Variants in FSTL5 observed in about 807,000 individuals in gnomAD.
FSTL5 encodes the protein follistatin-related protein 5.
Under a neutral mutation model 89.1 loss-of-function variants are expected in FSTL5, and 62 were observed. That is an observed-to-expected ratio of 0.70 (90% CI 0.57 to 0.86). FSTL5 has a LOEUF of 0.86. Among genes scored for constraint, FSTL5 ranks in the 40% least tolerant of loss-of-function variants. The pLI is 0.00. For synonymous variants in FSTL5, 383 were observed against 346.2 expected (o/e 1.11, Z -1.18); for missense variants, 1,057 against 1,001.6 (o/e 1.06, Z -0.75).
At chr4:161,864,786 C>A (rs1216890237) in intron 4 of FSTL5, among the ~76,000 whole-genome samples, 1 of 147,878 alleles carries the variant, frequency 6.8e-6, no homozygotes, top group Non-Finnish European at 1.5e-5. Flanking sequence ...GCAGGAGAAT[C>A]ACTTGAACCC....
rs150711413 is a variant in FSTL5, at chr4:161,855,965, A to G, written c.409+64439T>C. On this transcript the variant is annotated intron_variant, in intron 4 of 15. Coordinates refer to ENST00000306100, the MANE Select transcript of FSTL5 (RefSeq NM_020116.5). ...AATAAGGAAAAGGAATAAAACCAAG[A>G]TATTTAAAACTTTGCCCTTTAGTTG... Among the ~76,000 whole-genome samples, 1,417 of 152,232 alleles carry G rather than the reference A, an allele frequency of 9.3e-3. 12 individuals are homozygous for G. Among genetic ancestry groups the G allele is most frequent in the Non-Finnish European group, 0.013 (913 of 67,954 alleles).
intron 3 of FSTL5, among the ~76,000 whole-genome samples, chr4:161,989,912 C>T (rs918123413): frequency 2.6e-5 from 4 of 152,116 alleles, no homozygotes; most frequent in Middle Eastern, 3.2e-3. Flanking sequence ...TAGCTGTTTA[C>T]ACCTCTCTTG....
At chr4:162,093,483 G>C (rs1287591796) in intron 2 of FSTL5, among the ~76,000 whole-genome samples, 1 of 152,008 alleles carries the variant, frequency 6.6e-6, no homozygotes, top group Non-Finnish European at 1.5e-5. Flanking sequence ...GAAAATATTG[G>C]AAAAACACAA....
intron 2 of FSTL5, among the ~76,000 whole-genome samples, chr4:162,082,923 G>A (rs1337220518): frequency 6.6e-6 from 1 of 151,070 alleles, no homozygotes; most frequent in African/African-American, 2.4e-5. Flanking sequence ...CGGAATAAAT[G>A]CTTCCATACA....
chr4:161,997,282 T>C (rs957018341), intron 3 of FSTL5, among the ~76,000 whole-genome samples: 1 of 152,180 alleles, frequency 6.6e-6, no homozygotes, highest in Admixed American at 6.5e-5. Flanking sequence ...TTTTTCCTTA[T>C]TGTTTTTCCA....
At chr4:161,774,049 C>T (rs1326501910) in intron 5 of FSTL5, among the ~76,000 whole-genome samples, 1 of 152,048 alleles carries the variant, frequency 6.6e-6, no homozygotes, top group Non-Finnish European at 1.5e-5. Flanking sequence ...ATCACGAGGT[C>T]AGGAGATTGA....
intron 8 of FSTL5, among the ~76,000 whole-genome samples, chr4:161,584,978 T>C (rs547487526): frequency 6.6e-4 from 100 of 152,320 alleles, no homozygotes; most frequent in African/African-American, 2.3e-3. Context: ...ACTGCTAATA[T>C]TGAATTCCTC....
In FSTL5 at chr4:161,433,212, TAA is replaced by T. The variant is rs142703880; in HGVS notation, c.1841+21790_1841+21791del. Among the ~76,000 whole-genome samples the T allele has an allele frequency of 6.9e-3, 1,049 of 151,928 alleles. 5 individuals carry two copies. The highest frequency in any genetic ancestry group is 0.012 in the Non-Finnish European group (789 of 67,872). ...AGCAAACTAAGTTCAATAATAAATT[TAA>T]AAGTTATTCAACATGACCAAGTGTG... On this transcript the variant is annotated intron_variant, in intron 15 of 15. Coordinates refer to ENST00000306100, the MANE Select transcript of FSTL5 (RefSeq NM_020116.5).
chr4:161,471,938 CT>C (rs1733955576), intron 13 of FSTL5, among the ~76,000 whole-genome samples: 1 of 150,418 alleles, frequency 6.6e-6, no homozygotes, highest in Non-Finnish European at 1.5e-5. Context: ...AAATCTCTTT[CT>C]CTTATCCCAT....
intron 4 of FSTL5, among the ~76,000 whole-genome samples, chr4:161,819,951 T>A (rs1225594636): frequency 6.6e-6 from 1 of 151,782 alleles, no homozygotes; most frequent in Non-Finnish European, 1.5e-5. Flanking sequence ...AAATTAAGTT[T>A]TTTTTAACTT....
chr4:161,869,745 C>A (rs889798709), intron 4 of FSTL5, among the ~76,000 whole-genome samples: 1 of 152,146 alleles, frequency 6.6e-6, no homozygotes, highest in Non-Finnish European at 1.5e-5. Context: ...GGCCTAATAA[C>A]AAACCATGAA....
chr4:162,100,723 T>C (rs535313545), intron 2 of FSTL5, among the ~76,000 whole-genome samples: 15 of 152,286 alleles, frequency 9.8e-5, no homozygotes, highest in African/African-American at 3.6e-4. Context: ...ACCACTCTGA[T>C]ACAGGATGTT....
intron 4 of FSTL5, among the ~76,000 whole-genome samples, chr4:161,813,278 C>G (rs1452100282): frequency 6.6e-6 from 1 of 152,100 alleles, no homozygotes; most frequent in African/African-American, 2.4e-5. Flanking sequence ...ATCTGCCCGC[C>G]TTGGCCTCCC....
chr4:161,872,659 C>T (rs1407792094), intron 4 of FSTL5, among the ~76,000 whole-genome samples: 2 of 152,048 alleles, frequency 1.3e-5, no homozygotes, highest in African/African-American at 4.8e-5. Context: ...GAGTGACAGA[C>T]GAAGGCAAAT....
chr4:161,753,729 T>A (rs913439668), intron 6 of FSTL5, among the ~76,000 whole-genome samples: 2 of 152,168 alleles, frequency 1.3e-5, no homozygotes, highest in Non-Finnish European at 2.9e-5. Context: ...ATAATGTCAT[T>A]AACAAATCTA....
At chr4:161,969,368 C>G (rs898025151) in intron 3 of FSTL5, among the ~76,000 whole-genome samples, 1 of 151,902 alleles carries the variant, frequency 6.6e-6, no homozygotes, top group Non-Finnish European at 1.5e-5. Flanking sequence ...TTTTGGGAAA[C>G]AAAAAGTGCA....
intron 1 of FSTL5, among the ~76,000 whole-genome samples, chr4:162,158,704 T>C (rs1733577928): frequency 6.6e-6 from 1 of 152,056 alleles, no homozygotes; most frequent in South Asian, 2.1e-4. Flanking sequence ...ATATGAGTAA[T>C]TAAGAATTCA....
intron 8 of FSTL5, among the ~76,000 whole-genome samples, chr4:161,578,891 T>A (rs1733331176): frequency 6.6e-6 from 1 of 152,066 alleles, no homozygotes; most frequent in Non-Finnish European, 1.5e-5. Flanking sequence ...GAAATATTAT[T>A]TAATTTAAAA....
At chr4:162,097,764 G>C (rs1730823458) in intron 2 of FSTL5, among the ~76,000 whole-genome samples, 1 of 151,684 alleles carries the variant, frequency 6.6e-6, no homozygotes. Context: ...AACTACAATG[G>C]ATAATACTAC....
Sources: gnomAD v4.1 joint callset for allele counts (sites outside exome capture counted in the v4.1 genomes callset) on GRCh38, gnomAD v4.1.1 for gene constraint, MANE v1.5 for transcripts, NCBI Gene and HGNC (gene_info 2026-07-23, HGNC 2026-07-21) for gene names.